C7: variants seen among roughly 807,000 people sequenced by gnomAD.
C7 encodes complement C7.
A neutral mutation model predicts 104.8 loss-of-function variants in C7; 83 were observed. The observed-to-expected ratio is 0.79, with a 90% confidence interval of 0.66 to 0.95. The LOEUF is 0.95. Among genes scored for constraint, C7 ranks in the 40% least tolerant of loss-of-function variants. The probability of loss-of-function intolerance (pLI) is 0.00; values close to 1 mark genes in which losing one functional copy is unlikely to be tolerated. For synonymous variants in C7, 415 were observed against 360.6 expected (o/e 1.15, Z -1.71); for missense variants, 1,070 against 1,011.2 (o/e 1.06, Z -0.79).
chr5:40,950,855 G>A (rs1161871736), intron 9 of C7, among the ~76,000 whole-genome samples: 1 of 152,172 alleles, frequency 6.6e-6, no homozygotes, highest in South Asian at 2.1e-4. Context: ...GAGATGGGGG[G>A]AAGGTGGTAT....
intron 17 of C7, among the ~76,000 whole-genome samples, chr5:40,980,760 T>A (rs749822730): frequency 2.6e-5 from 4 of 152,146 alleles, no homozygotes; most frequent in Non-Finnish European, 5.9e-5. Context: ...GTCCCCTCAC[T>A]CCCTCAAGGT....
At position 40,917,307 on chromosome 5, in the gene C7, TCTTTA is replaced by T. The variant is rs201210487; in HGVS notation, c.6+7695_6+7699del. ...CCATGGCCCTTGGTAACCATTTTAC[TCTTTA>T]CTTATTAGACTTCAACATTTTTAGA... On this transcript the variant is annotated intron_variant, in intron 1 of 17. Coordinates refer to ENST00000313164, the MANE Select transcript of C7 (RefSeq NM_000587.4). Among the ~76,000 whole-genome samples, 312 of 152,284 alleles carry T rather than the reference TCTTTA, an allele frequency of 2.0e-3. 10 individuals are homozygous for T. The East Asian group carries it at 0.042, about 20-fold the overall frequency.
chr5:40,953,737 A>C (rs1740227412), intron 9 of C7, among the ~76,000 whole-genome samples: 1 of 150,524 alleles, frequency 6.6e-6, no homozygotes, highest in Non-Finnish European at 1.5e-5. Context: ...AAATAGCTAG[A>C]AGACAAGATT....
chr5:40,940,502 A>T (rs1170252941), intron 6 of C7, among the ~76,000 whole-genome samples: 1 of 152,206 alleles, frequency 6.6e-6, no homozygotes, highest in African/African-American at 2.4e-5. Flanking sequence ...TCTTGAATAT[A>T]CTTCATTATA....
At chr5:40,942,186 A>G (rs541386611) in intron 6 of C7, among the ~76,000 whole-genome samples, 11 of 152,268 alleles carry the variant, frequency 7.2e-5, no homozygotes, top group African/African-American at 2.6e-4. Context: ...ATTATAGTCA[A>G]CTCATTTAAG....
chr5:40,963,917 T>G (rs147047478), intron 13 of C7, among the ~76,000 whole-genome samples: 1 of 151,438 alleles, frequency 6.6e-6, no homozygotes, highest in East Asian at 2.0e-4. Context: ...AGCAAGAAAC[T>G]TAAACTTTCA....
intron 9 of C7, among the ~76,000 whole-genome samples, chr5:40,953,451 G>T (rs923469087): frequency 2.0e-5 from 3 of 151,978 alleles, no homozygotes; most frequent in African/African-American, 7.2e-5. Context: ...GACCATTCTG[G>T]CCAACAAGGT....
At chr5:40,930,300 G>T (rs1309616669) in intron 2 of C7, among the ~76,000 whole-genome samples, 3 of 148,074 alleles carry the variant, frequency 2.0e-5, no homozygotes, top group Non-Finnish European at 4.4e-5. Flanking sequence ...CTGCCTCCCA[G>T]GTTCAAGCAA....
intron 4 of C7, 94 bp from the exon 5 acceptor site, chr5:40,936,244 G>A: frequency 3.0e-6 from 3 of 1,016,594 alleles, no homozygotes; most frequent in South Asian, 1.4e-5. Context: ...TATCAGTGCA[G>A]TGTTACAGGT....
intron 9 of C7, among the ~76,000 whole-genome samples, chr5:40,951,074 A>G (rs1307484628): frequency 6.6e-6 from 1 of 152,200 alleles, no homozygotes. Context: ...AGGATTAAAA[A>G]ACAAGAGATG....
chr5:40,912,282 G>T (rs1159151518), intron 1 of C7, among the ~76,000 whole-genome samples: 1 of 152,038 alleles, frequency 6.6e-6, no homozygotes, highest in Non-Finnish European at 1.5e-5. Context: ...GACCTTGATG[G>T]GTTATAATGA....
intron 1 of C7, among the ~76,000 whole-genome samples, chr5:40,913,817 C>T (rs757071760): frequency 1.1e-4 from 16 of 152,116 alleles, no homozygotes; most frequent in Non-Finnish European, 2.1e-4. Context: ...GTAGCTGAGA[C>T]TACAGGTGCG....
chr5:40,970,665 T>C (rs1309888062), intron 14 of C7, among the ~76,000 whole-genome samples: 1 of 152,162 alleles, frequency 6.6e-6, no homozygotes, highest in South Asian at 2.1e-4. Context: ...TAGGTATATA[T>C]GTGCTATGGT....
At chr5:40,962,013 A>G in intron 12 of C7, 72 bp from the exon 13 acceptor site, 1 of 728,290 alleles carries the variant, frequency 1.4e-6, no homozygotes, top group Non-Finnish European at 2.0e-6. Context: ...CAAAGGAGAA[A>G]TCCAACGTAA....
chr5:40,959,410 T>G (rs764418237), intron 11 of C7, 39 bp from the exon 12 acceptor site: 1 of 1,578,634 alleles, frequency 6.3e-7, no homozygotes, highest in Non-Finnish European at 8.6e-7. Flanking sequence ...CCAAGCCCTC[T>G]TTAAGAACTT....
At chr5:40,963,108 T>A (rs1740457034) in intron 13 of C7, among the ~76,000 whole-genome samples, 1 of 152,128 alleles carries the variant, frequency 6.6e-6, no homozygotes, top group Non-Finnish European at 1.5e-5. Context: ...CCAAGCAAAC[T>A]CATGCATGTT....
At chr5:40,920,234 G>A (rs1308430053) in intron 1 of C7, among the ~76,000 whole-genome samples, 3 of 124,794 alleles carry the variant, frequency 2.4e-5, no homozygotes, top group East Asian at 4.1e-4. Flanking sequence ...AAGTGTTTCT[G>A]TAAAGTGTTG....
At chr5:40,929,578 T>C (rs950500911) in intron 2 of C7, among the ~76,000 whole-genome samples, 8 of 152,164 alleles carry the variant, frequency 5.3e-5, no homozygotes, top group Non-Finnish European at 4.4e-5. Context: ...ACTCAAGATA[T>C]TGCCCAGCCG....
intron 13 of C7, among the ~76,000 whole-genome samples, chr5:40,963,382 G>A (rs962895636): frequency 7.9e-5 from 12 of 152,156 alleles, no homozygotes; most frequent in African/African-American, 2.9e-4. Context: ...TTCCTCATAT[G>A]AAAGTTTTTG....
Sources: gnomAD v4.1 joint callset for allele counts (sites outside exome capture counted in the v4.1 genomes callset) on GRCh38, gnomAD v4.1.1 for gene constraint, MANE v1.5 for transcripts, NCBI Gene and HGNC (gene_info 2026-07-23, HGNC 2026-07-21) for gene names.